Variants in RNF150 observed in about 807,000 individuals in gnomAD.
RNF150 encodes ring finger protein 150.
A neutral mutation model predicts 39.3 loss-of-function variants in RNF150; 24 were observed. The observed-to-expected ratio is 0.61, with a 90% confidence interval of 0.44 to 0.86. The LOEUF is 0.86. Ranked by LOEUF, RNF150 falls within the 40% of genes least tolerant of loss-of-function variation. RNF150 has a pLI of 0.00. For synonymous variants in RNF150, 255 were observed against 227.3 expected (o/e 1.12, Z -1.10); for missense variants, 502 against 587.8 (o/e 0.85, Z 1.51).
chr4:141,193,505 T>G (rs1728149971), intron 1 of RNF150, among the ~76,000 whole-genome samples: 1 of 152,214 alleles, frequency 6.6e-6, no homozygotes, highest in African/African-American at 2.4e-5. Context: ...GAGCACTTAT[T>G]ATGTACCAGG....
intron 1 of RNF150, among the ~76,000 whole-genome samples, chr4:141,204,273 G>A (rs148202136): frequency 1.3e-5 from 2 of 152,274 alleles, no homozygotes; most frequent in Non-Finnish European, 2.9e-5. Context: ...AGCTTATGCA[G>A]GAGCAGTGAG....
chr4:141,132,365 C>G lies in RNF150; in HGVS notation c.444G>C (p.Val148=), dbSNP rs549752601. The change falls in exon 1 of 7, where the codon GTG becomes GTC. Residue 148 remains valine (V), a synonymous_variant. Coordinates refer to ENST00000515673, the MANE Select transcript of RNF150 (RefSeq NM_020724.2). The surrounding 1 kb of genome is among the most constrained non-coding windows in gnomAD (Gnocchi z 4.9). ...QNASAVVIFN[V]GSNTNETITM... is the part of the protein sequence containing the mutation. Reference sequence around the variant, plus strand: ...TGATGGTCTCGTTGGTGTTGGAGCCCACGTTGAAGATGACCACGGCTGAGG... The same window carrying G: ...TGATGGTCTCGTTGGTGTTGGAGCCGACGTTGAAGATGACCACGGCTGAGG... The G allele has an allele frequency of 1.3e-6, 2 of 1,596,000 alleles. No individual in the cohort carries two copies. Among genetic ancestry groups the G allele is most frequent in the African/African-American group, 2.7e-5 (2 of 74,804 alleles).
chr4:140,915,859 A>G (rs1730802221), intron 5 of RNF150, among the ~76,000 whole-genome samples: 1 of 152,318 alleles, frequency 6.6e-6, no homozygotes, highest in South Asian at 2.1e-4. Flanking sequence ...TTCCAGAGGA[A>G]CCATCAGGCA....
At chr4:140,924,882 T>C (rs1208642304) in intron 5 of RNF150, among the ~76,000 whole-genome samples, 3 of 152,108 alleles carry the variant, frequency 2.0e-5, no homozygotes, top group Non-Finnish European at 4.4e-5. Flanking sequence ...TGGCACAGGG[T>C]AGAAAGTTCA....
At chr4:140,882,262 AC>A (rs1378716622) in intron 6 of RNF150, among the ~76,000 whole-genome samples, 1 of 152,096 alleles carries the variant, frequency 6.6e-6, no homozygotes, top group East Asian at 1.9e-4. Context: ...CTCGTGATCC[AC>A]CCGCCTCGGC....
chr4:141,163,196 A>G (rs1294885948), intron 1 of RNF150, among the ~76,000 whole-genome samples: 3 of 152,180 alleles, frequency 2.0e-5, no homozygotes, highest in Non-Finnish European at 4.4e-5. Flanking sequence ...GGAAGTTTGA[A>G]CTGGGCAGAG....
At chr4:140,949,919 A>G (rs538754983) in intron 2 of RNF150, among the ~76,000 whole-genome samples, 2 of 152,304 alleles carry the variant, frequency 1.3e-5, no homozygotes, top group South Asian at 4.1e-4. Context: ...TGCATGTTTA[A>G]GTGTGAGTGT....
chr4:141,133,648 A>T (rs1424706540), upstream of RNF150, among the ~76,000 whole-genome samples: 1 of 152,088 alleles, frequency 6.6e-6, no homozygotes, highest in Non-Finnish European at 1.5e-5. Flanking sequence ...GTGGAGGTAA[A>T]GAGGAAGCGA....
At chr4:141,019,775 G>A (rs534694330) in intron 1 of RNF150, among the ~76,000 whole-genome samples, 6 of 152,232 alleles carry the variant, frequency 3.9e-5, no homozygotes, top group Admixed American at 1.3e-4. Flanking sequence ...AGATGTTTCC[G>A]GCAGCAAGGT....
At chr4:141,063,297 A>G (rs1180844010) in intron 1 of RNF150, among the ~76,000 whole-genome samples, 1 of 152,234 alleles carries the variant, frequency 6.6e-6, no homozygotes, top group East Asian at 1.9e-4. Flanking sequence ...ATAAATAAAC[A>G]AAATTTCAAA....
chr4:141,179,663 G>A lies in RNF150; in HGVS notation c.-6+33131C>T, dbSNP rs188863502. Among the ~76,000 whole-genome samples, 227 of 152,240 alleles carry A rather than the reference G, an allele frequency of 1.5e-3. 1 individual carries two copies. Among genetic ancestry groups the A allele is most frequent in the Admixed American group, 0.014 (216 of 15,276 alleles). On this transcript the variant is annotated intron_variant, in intron 1 of 7. Coordinates refer to the RNF150 transcript ENST00000420921. ...TCTGGATGGCCACAGACAGAAATCT[G>A]GTTAAGGGCAACCTCTAGATAAGCA...
At chr4:141,203,601 T>C (rs1728324319) in intron 1 of RNF150, among the ~76,000 whole-genome samples, 1 of 151,984 alleles carries the variant, frequency 6.6e-6, no homozygotes, top group African/African-American at 2.4e-5. Flanking sequence ...GGGGAAGTTA[T>C]TCTCAACCTT....
intron 1 of RNF150, among the ~76,000 whole-genome samples, chr4:140,970,564 C>T (rs536954146): frequency 1.3e-5 from 2 of 149,992 alleles, no homozygotes; most frequent in Non-Finnish European, 3.0e-5. Context: ...GTTTTAAATC[C>T]CAGTTCAGCA....
chr4:141,118,237 G>GATA (rs1430749789), intron 1 of RNF150, among the ~76,000 whole-genome samples: 2 of 152,138 alleles, frequency 1.3e-5, no homozygotes, highest in Admixed American at 1.3e-4. Flanking sequence ...ACAGTCACTG[G>GATA]CAGTTGGAGA....
At chr4:141,162,399 T>G (rs1727530892) in intron 1 of RNF150, among the ~76,000 whole-genome samples, 1 of 152,118 alleles carries the variant, frequency 6.6e-6, no homozygotes, top group South Asian at 2.1e-4. Flanking sequence ...GAAGTAACTA[T>G]GTCGTTTTTG....
chr4:140,946,718 C>T (rs1732328228), intron 4 of RNF150, among the ~76,000 whole-genome samples: 1 of 152,072 alleles, frequency 6.6e-6, no homozygotes. Context: ...ATTGCCCAGG[C>T]TGTTCTTGAA....
intron 1 of RNF150, among the ~76,000 whole-genome samples, chr4:141,189,440 A>G (rs917692404): frequency 3.3e-5 from 5 of 152,188 alleles, no homozygotes; most frequent in Non-Finnish European, 7.3e-5. Context: ...CAGGAGATCC[A>G]CTGCTCTCTT....
chr4:141,174,341 A>G (rs1387724464), intron 1 of RNF150, among the ~76,000 whole-genome samples: 2 of 152,138 alleles, frequency 1.3e-5, no homozygotes, highest in Non-Finnish European at 2.9e-5. Context: ...CAGTGCTGGG[A>G]CCAGGCACAC....
intron 1 of RNF150, among the ~76,000 whole-genome samples, chr4:140,968,243 C>A (rs1336853052): frequency 1.3e-5 from 2 of 151,952 alleles, no homozygotes; most frequent in South Asian, 2.1e-4. Context: ...TTCCATAGAT[C>A]CCCTGAGGAA....
Sources: allele counts gnomAD v4.1 joint callset (sites outside exome capture counted in the v4.1 genomes callset), GRCh38; gene constraint gnomAD v4.1.1; non-coding constraint Gnocchi (gnomAD v3.1); transcripts MANE v1.5; gene names NCBI Gene and HGNC (gene_info 2026-07-23, HGNC 2026-07-21).